The following UAP1L1 variants were observed in gnomAD, a reference collection of about 807,000 sequenced individuals.
UAP1L1 encodes UDP-N-acetylhexosamine pyrophosphorylase-like protein 1.
Under a neutral mutation model 45.3 loss-of-function variants are expected in UAP1L1, and 45 were observed. That is an observed-to-expected ratio of 0.99 (90% CI 0.78 to 1.27). The LOEUF (loss-of-function observed/expected upper bound fraction) is 1.27. UAP1L1 is among the 50% of genes most tolerant of loss of function. The pLI is 0.00. For missense variants in UAP1L1, 667 were observed against 694.0 expected (o/e 0.96, Z 0.44); for synonymous variants, 323 against 303.9 (o/e 1.06, Z -0.65).
intron 7 of UAP1L1, 148 bp from the exon 8 acceptor site, chr9:137,081,850 G>C: frequency 2.5e-6 from 2 of 789,012 alleles, no homozygotes; most frequent in South Asian, 3.0e-5. Flanking sequence ...CTCAGGGTTT[G>C]GGGTGTCCAG....
chr9:137,080,169 C>T (rs779859866), intron 6 of UAP1L1, 27 bp downstream of exon 6: 6 of 1,611,540 alleles, frequency 3.7e-6, no homozygotes, highest in East Asian at 2.2e-5. Context: ...ATTTATTTTC[C>T]CCTTCTTCCT....
chr9:137,081,043 C>A (rs1005600049), intron 7 of UAP1L1, among the ~76,000 whole-genome samples, 169 bp downstream of exon 7: 1 of 152,210 alleles, frequency 6.6e-6, no homozygotes, highest in Non-Finnish European at 1.5e-5. Flanking sequence ...CCAGGTCACA[C>A]GGTGACTGTC....
chr9:137,080,155 A>G lies in UAP1L1; in HGVS notation c.1178+13A>G. On this transcript the variant is annotated intron_variant, in intron 6 of 8. Coordinates refer to ENST00000409858, the MANE Select transcript of UAP1L1 (RefSeq NM_207309.3). Reference sequence around the variant, plus strand: ...TCCGGTTTGCTAAGTTAGTAGTAGAACTCATTTATTTTCCCCTTCTTCCTT... The same window carrying G: ...TCCGGTTTGCTAAGTTAGTAGTAGAGCTCATTTATTTTCCCCTTCTTCCTT... The G allele has an allele frequency of 1.2e-6, 2 of 1,613,214 alleles. No individual in the cohort carries two copies. The highest frequency in any genetic ancestry group is 1.3e-5 in the African/African-American group (1 of 75,006).
Position 137,078,081 on chromosome 9 carries a change from C to A in UAP1L1, c.321C>A (p.Ala107=), listed in dbSNP as rs1321267130. 19 of 1,549,988 alleles carry A rather than the reference C, an allele frequency of 1.2e-5. No homozygotes were observed. The Admixed American group carries it at 2.9e-4, about 24-fold the overall frequency. ...GTCAGATTTCTCTGAACAAGGTGGCCGTCCTGCTGCTGGCTGGGGGGCAGG... is the reference window on the plus strand; with the variant it reads ...GTCAGATTTCTCTGAACAAGGTGGCAGTCCTGCTGCTGGCTGGGGGGCAGG... ...GFRQISLNKV[A]VLLLAGGQGT... The change falls in exon 2 of 9, where the codon GCC becomes GCA. Residue 107 remains alanine (A), a synonymous_variant. Transcript: ENST00000409858.
rs745750975 is a variant in UAP1L1, at chr9:137,079,131, G to A, written c.826G>A (p.Ala276Thr). ...VFIGFCVLQG[A>T]DCGAKVVEKA... ...CATCGGCTTCTGTGTGTTGCAGGGC[G>A]CAGACTGTGGCGCCAAGGTTAGCGC... Residue 276 changes from alanine (A) to threonine (T), a missense_variant, in exon 4 of 9, where the codon GCA (alanine) becomes ACA (threonine). Physicochemically the swap from Ala to Thr is moderately conservative, Grantham distance 58. Coordinates refer to ENST00000409858, the MANE Select transcript of UAP1L1 (RefSeq NM_207309.3). 12 of 1,610,536 alleles carry A rather than the reference G, an allele frequency of 7.5e-6. No individual in the cohort carries two copies. The highest frequency in any genetic ancestry group is 4.5e-5 in the East Asian group (2 of 44,852).
In UAP1L1 at chr9:137,082,966, C is replaced by T. The variant is rs879889644; in HGVS notation, c.*237C>T. On this transcript the variant is annotated 3_prime_UTR_variant, in exon 9 of 9. Transcript: ENST00000409858. This position sits in a 1 kb window ranked among gnomAD's most constrained non-coding sequence, Gnocchi z 5.7. Reference sequence around the variant, plus strand: ...TCCTGTCGCCTCTGGACACAAGTGGCGACAGCCTGCTGGGGGCTCTGTGGC... The same window carrying T: ...TCCTGTCGCCTCTGGACACAAGTGGTGACAGCCTGCTGGGGGCTCTGTGGC... The T allele has an allele frequency of 3.0e-5, 15 of 508,318 alleles. No individual in the cohort carries two copies. The highest frequency in any genetic ancestry group is 6.4e-5 in the East Asian group (2 of 31,028). The allele number at this position is 508,318 out of a possible 1,614,324, so 31.5% of individuals were successfully genotyped here. A position where few individuals can be genotyped will look rare whatever the true frequency, so the allele number is the denominator to read the frequency against.
rs375466055 is a variant in UAP1L1 at position 137,080,715 on chromosome 9, G to A, written c.1205G>A (p.Arg402Gln). ...AACTTTGCTGCCTTGGAAGTGCTGC[G>A]GGAGGAGGAATTTTCCCCACTGAAG... ...AKNFAALEVL[R>Q]EEEFSPLKNA... The change falls in exon 7 of 9, where the codon CGG becomes CAG. Residue 402 changes from arginine to glutamine, a missense_variant. By Grantham distance (43) the Arg-to-Gln change is conservative. Coordinates refer to ENST00000409858, the MANE Select transcript of UAP1L1 (RefSeq NM_207309.3). The A allele has an allele frequency of 2.5e-5, 40 of 1,612,340 alleles. No individual in the cohort carries two copies. In the East Asian group the frequency reaches 3.3e-4, roughly 13 times the overall value.
At chr9:137,079,558 A>G (rs959173493) in intron 5 of UAP1L1, 109 bp downstream of exon 5, 4 of 1,131,926 alleles carry the variant, frequency 3.5e-6, no homozygotes, top group Non-Finnish European at 5.0e-6. Flanking sequence ...GGCTGTGGTC[A>G]GGAGTGGCTG....
intron 3 of UAP1L1, 40 bp from the exon 4 acceptor site, chr9:137,078,936 C>CT: frequency 6.4e-7 from 1 of 1,550,484 alleles, no homozygotes. Flanking sequence ...CGATCCCTGG[C>CT]GGGAGCCCTC....
rs758603794 is a variant in UAP1L1 at position 137,078,719 on chromosome 9, G to T, written c.670+42G>T. On this transcript the variant is annotated intron_variant, in intron 3 of 8. Coordinates refer to ENST00000409858, the MANE Select transcript of UAP1L1 (RefSeq NM_207309.3). ...AGACGGGGAGGGACCGCCCAGACTA[G>T]AACTGGGAGCGTAGTTGGGGGTCCA... is the stretch of plus-strand genomic sequence containing the variant. 1.9e-6 allele frequency: 3 copies of T among 1,578,112 alleles called. No individual in the cohort carries two copies. The South Asian group carries it at 3.5e-5, about 18-fold the overall frequency.
At position 137,077,547 on chromosome 9, in the gene UAP1L1, G is replaced by A. The variant is rs537540438; in HGVS notation, c.15G>A (p.Gln5=). The change falls in exon 1 of 9, where the codon CAG becomes CAA. Residue 5 remains glutamine, a synonymous_variant. Coordinates refer to ENST00000409858, the MANE Select transcript of UAP1L1 (RefSeq NM_207309.3). This position sits in a 1 kb window ranked among gnomAD's most constrained non-coding sequence, Gnocchi z 4.7. MASE[Q]DVRARLQRAG... Reference sequence around the variant, plus strand: ...GCAGCGGCGACATGGCTTCGGAGCAGGACGTGCGCGCCCGGCTGCAGCGCG... The same window carrying A: ...GCAGCGGCGACATGGCTTCGGAGCAAGACGTGCGCGCCCGGCTGCAGCGCG... 1.0e-4 allele frequency: 145 copies of A among 1,389,776 alleles called. 1 individual carries two copies. In the South Asian group the frequency reaches 1.2e-3, roughly 11 times the overall value. 86.1% of individuals were successfully genotyped at this position (1,389,776 alleles called of 1,614,324 possible).
In UAP1L1 at chr9:137,077,821, G is replaced by C; in HGVS notation, c.289G>C (p.Gly97Arg). ...PETRRRWEEE[G>R]FRQISLNKVA... ...GACACGGCGGCGCTGGGAGGAGGAA[G>C]GTAAGCGGGGTGGGAGGCCCTGGGG... is the stretch of plus-strand genomic sequence containing the variant. The change falls in exon 1 of 9, where the codon GGT (glycine) becomes CGT (arginine). Residue 97 changes from glycine to arginine, a missense_variant and splice_region_variant. Coordinates refer to ENST00000409858, the MANE Select transcript of UAP1L1 (RefSeq NM_207309.3). This position sits in a 1 kb window ranked among gnomAD's most constrained non-coding sequence, Gnocchi z 4.7. The C allele has an allele frequency of 7.1e-7, 1 of 1,408,702 alleles. No individual in the cohort carries two copies. Among genetic ancestry groups the C allele is most frequent in the Non-Finnish European group, 9.2e-7 (1 of 1,086,526 alleles). The allele number at this position is 1,408,702 out of a possible 1,614,324, so 87.3% of individuals were successfully genotyped here. A position where few individuals can be genotyped will look rare whatever the true frequency, so the allele number is the denominator to read the frequency against.
rs994486321 is a variant in UAP1L1 at position 137,077,981 on chromosome 9, A to G, written c.290-69A>G. Reference sequence around the variant, plus strand: ...CCGAGTCCTGGCGCCCCAGCCCCAGAGTTGGTTTCCCCTAAAGCGGAAGGG... The same window carrying G: ...CCGAGTCCTGGCGCCCCAGCCCCAGGGTTGGTTTCCCCTAAAGCGGAAGGG... On this transcript the variant is annotated intron_variant, in intron 1 of 8. Transcript: ENST00000409858. The surrounding 1 kb of genome is among the most constrained non-coding windows in gnomAD (Gnocchi z 4.7). 6.5e-7 allele frequency: 1 copy of G among 1,534,376 alleles called. No individual in the cohort carries two copies. The highest frequency in any genetic ancestry group is 1.2e-5 in the South Asian group (1 of 83,772).
Position 137,077,619 on chromosome 9 carries a change from G to A in UAP1L1, c.87G>A (p.Glu29=). The A allele has an allele frequency of 7.5e-7, 1 of 1,338,236 alleles. No homozygotes were observed. 82.9% of individuals were successfully genotyped at this position (1,338,236 alleles called of 1,614,324 possible). ...GCTTCTGGGCCGAGCTGGCGCCGGA[G>A]CCACGAGCCGCGCTGCTGGCGGAGC... The part of the protein sequence containing the change: ...LLRFWAELAP[E]PRAALLAELA... Residue 29 remains glutamate (E), a synonymous_variant, in exon 1 of 9, where the codon GAG becomes GAA. Transcript: ENST00000409858. The surrounding 1 kb of genome is among the most constrained non-coding windows in gnomAD (Gnocchi z 4.7).
Position 137,077,796 on chromosome 9 carries a change from G to C in UAP1L1, c.264G>C (p.Glu88Asp), listed in dbSNP as rs1832715687. Reference protein sequence around the residue: ...RVGRASRSDPETRRRWEEEGF... With the variant: ...RVGRASRSDPDTRRRWEEEGF... ...GCAGGGCCAGCCGCAGCGACCCCGA[G>C]ACACGGCGGCGCTGGGAGGAGGAAG... The change falls in exon 1 of 9, where the codon GAG becomes GAC. Residue 88 changes from glutamate to aspartate, a missense_variant. Physicochemically the swap from Glu to Asp is conservative, Grantham distance 45. Coordinates refer to ENST00000409858, the MANE Select transcript of UAP1L1 (RefSeq NM_207309.3). This position sits in a 1 kb window ranked among gnomAD's most constrained non-coding sequence, Gnocchi z 4.7. 1.4e-6 allele frequency: 2 copies of C among 1,386,002 alleles called. No homozygotes were observed. The highest frequency in any genetic ancestry group is 1.9e-6 in the Non-Finnish European group (2 of 1,074,724). The allele number at this position is 1,386,002 out of a possible 1,614,324, so 85.9% of individuals were successfully genotyped here.
chr9:137,078,379 G>C, intron 2 of UAP1L1, 123 bp from the exon 3 acceptor site: 5 of 1,575,738 alleles, frequency 3.2e-6, no homozygotes, highest in Non-Finnish European at 4.3e-6. Flanking sequence ...GGCCCAAAAT[G>C]GGGCCTGGCC....
chr9:137,080,309 C>G, intron 6 of UAP1L1, 167 bp downstream of exon 6: 1 of 835,628 alleles, frequency 1.2e-6, no homozygotes, highest in Admixed American at 2.5e-5. Flanking sequence ...GGGTAAGCAG[C>G]CCCTGAGGTG....
chr9:137,078,662 G>A lies in UAP1L1; in HGVS notation c.655G>A (p.Val219Ile), dbSNP rs1356754440. Residue 219 changes from valine (V) to isoleucine (I), a missense_variant, in exon 3 of 9, where the codon GTT (valine) becomes ATT (isoleucine). By Grantham distance (29) the Val-to-Ile change is conservative. Coordinates refer to ENST00000409858, the MANE Select transcript of UAP1L1 (RefSeq NM_207309.3). Reference protein sequence around the residue: ...GKVILERKDKVAMAPDGNGGL... With the variant: ...GKVILERKDKIAMAPDGNGGL... Reference sequence around the variant, plus strand: ...GGTTATCCTGGAGCGGAAAGACAAAGTTGCCATGGCCCCAGGTGTGGCCCG... The same window carrying A: ...GGTTATCCTGGAGCGGAAAGACAAAATTGCCATGGCCCCAGGTGTGGCCCG... 3 of 1,612,324 alleles carry A rather than the reference G, an allele frequency of 1.9e-6. No individual in the cohort carries two copies. Among genetic ancestry groups the A allele is most frequent in the Non-Finnish European group, 2.5e-6 (3 of 1,179,636 alleles).
Position 137,082,802 on chromosome 9 carries a change from G to T in UAP1L1, c.*73G>T. On this transcript the variant is annotated 3_prime_UTR_variant, in exon 9 of 9. Coordinates refer to ENST00000409858, the MANE Select transcript of UAP1L1 (RefSeq NM_207309.3). This position sits in a 1 kb window ranked among gnomAD's most constrained non-coding sequence, Gnocchi z 5.7. Reference sequence around the variant, plus strand: ...ATCCTGGAAGTCCCGACTCCCCCCAGACCTGCCAGCCCCGGCGTCCTGGAG... The same window carrying T: ...ATCCTGGAAGTCCCGACTCCCCCCATACCTGCCAGCCCCGGCGTCCTGGAG... The T allele has an allele frequency of 7.6e-7, 1 of 1,307,250 alleles. No homozygotes were observed. Among genetic ancestry groups the T allele is most frequent in the South Asian group, 1.3e-5 (1 of 78,870 alleles). The allele number at this position is 1,307,250 out of a possible 1,614,324, so 81.0% of individuals were successfully genotyped here.
Sources: gnomAD v4.1 joint callset for allele counts (sites outside exome capture counted in the v4.1 genomes callset) on GRCh38, gnomAD v4.1.1 for gene constraint, Gnocchi (gnomAD v3.1) non-coding constraint, MANE v1.5 for transcripts, NCBI Gene and HGNC (gene_info 2026-07-23, HGNC 2026-07-21) for gene names.